The following SHQ1 variants were observed in gnomAD, a reference collection of about 807,000 sequenced individuals.
SHQ1 encodes SHQ1, H/ACA ribonucleoprotein assembly factor.
Under a neutral mutation model 53.8 loss-of-function variants are expected in SHQ1, and 49 were observed. The ratio of observed to expected loss-of-function variants is 0.91; its 90% CI spans 0.72 to 1.16. The LOEUF is 1.16. Among genes scored for constraint, SHQ1 ranks in the 50% most tolerant of loss-of-function variants. The pLI is 0.00. For missense variants in SHQ1, 738 were observed against 683.1 expected (o/e 1.08, Z -0.90); for synonymous variants, 243 against 251.0 (o/e 0.97, Z 0.30).
intron 1 of SHQ1, among the ~76,000 whole-genome samples, chr3:72,845,402 G>A (rs1046886659): frequency 5.9e-5 from 9 of 151,686 alleles, no homozygotes; most frequent in African/African-American, 2.2e-4. Context: ...AGAATCACTT[G>A]AACCCAGGAA....
intron 1 of SHQ1, among the ~76,000 whole-genome samples, chr3:72,847,609 G>C (rs1270027004): frequency 6.6e-6 from 1 of 152,058 alleles, no homozygotes; most frequent in Non-Finnish European, 1.5e-5. Context: ...ACGGAGACTT[G>C]GGGGAAACAA....
chr3:72,784,082 T>TACA (rs1706150746), intron 10 of SHQ1, among the ~76,000 whole-genome samples: 1 of 151,744 alleles, frequency 6.6e-6, no homozygotes, highest in Admixed American at 6.6e-5. Flanking sequence ...AACTCTGTAC[T>TACA]ATCTCTGCAA....
At chr3:72,830,598 A>C (rs1707796100) in intron 5 of SHQ1, among the ~76,000 whole-genome samples, 1 of 152,122 alleles carries the variant, frequency 6.6e-6, no homozygotes, top group Non-Finnish European at 1.5e-5. Flanking sequence ...TGGGTGAGTC[A>C]GTCAGCTAAT....
intron 10 of SHQ1, among the ~76,000 whole-genome samples, chr3:72,752,231 A>G (rs1705400160): frequency 1.3e-5 from 2 of 152,222 alleles, no homozygotes; most frequent in South Asian, 4.1e-4. Flanking sequence ...ACATATATAT[A>G]AAAAGGGAAA....
chr3:72,759,968 G>A (rs1382737289), intron 10 of SHQ1, among the ~76,000 whole-genome samples: 10 of 152,094 alleles, frequency 6.6e-5, no homozygotes, highest in Non-Finnish European at 1.5e-4. Flanking sequence ...AAAATCAAGG[G>A]TATCATCAGT....
At chr3:72,738,886 G>GCCCCA in the SHQ1 span, among the ~76,000 whole-genome samples, 2 of 152,028 alleles carry the variant, frequency 1.3e-5, no homozygotes, top group African/African-American at 4.8e-5. Context: ...ACGCGCAGTG[G>GCCCCA]CCCCACCCCG....
intron 5 of SHQ1, among the ~76,000 whole-genome samples, chr3:72,831,951 G>A (rs2106923534): frequency 1.3e-5 from 2 of 152,274 alleles, no homozygotes; most frequent in East Asian, 3.9e-4. Flanking sequence ...AAGTTATTAG[G>A]AAGATCCTGG....
intron 9 of SHQ1, among the ~76,000 whole-genome samples, chr3:72,811,629 G>T (rs1339945678): frequency 6.6e-6 from 1 of 152,134 alleles, no homozygotes; most frequent in East Asian, 1.9e-4. Flanking sequence ...TACAATTACT[G>T]TCTACTTTAA....
intron 10 of SHQ1, among the ~76,000 whole-genome samples, chr3:72,789,139 A>G (rs965288888): frequency 3.3e-5 from 5 of 152,282 alleles, no homozygotes; most frequent in South Asian, 4.1e-4. Flanking sequence ...TGCATTGGGA[A>G]ACAAATACAG....
chr3:72,786,430 C>A (rs1194906764), intron 10 of SHQ1, among the ~76,000 whole-genome samples: 1 of 152,172 alleles, frequency 6.6e-6, no homozygotes, highest in Non-Finnish European at 1.5e-5. Context: ...TCTAGCCTCA[C>A]TTCTTTCCTA....
At chr3:72,818,817 A>G (rs1289302821) in intron 6 of SHQ1, among the ~76,000 whole-genome samples, 4 of 152,192 alleles carry the variant, frequency 2.6e-5, no homozygotes, top group Admixed American at 6.5e-5. Context: ...TGAGAAGGCT[A>G]TGTGGCAGGG....
intron 10 of SHQ1, among the ~76,000 whole-genome samples, chr3:72,784,303 T>C (rs1056480148): frequency 6.6e-6 from 1 of 152,186 alleles, no homozygotes; most frequent in African/African-American, 2.4e-5. Flanking sequence ...CTTAGATCTG[T>C]AGGAACATTT....
At chr3:72,792,892 G>C in intron 10 of SHQ1, 24 bp downstream of exon 10, 2 of 1,562,860 alleles carry the variant, frequency 1.3e-6, no homozygotes, top group East Asian at 2.4e-5. Context: ...CTAAAAATTC[G>C]TAAGTAACTC....
chr3:72,797,114 C>T (rs1037381609), intron 9 of SHQ1, among the ~76,000 whole-genome samples: 1 of 151,702 alleles, frequency 6.6e-6, no homozygotes, highest in Admixed American at 6.6e-5. Flanking sequence ...AAAAATTAGC[C>T]GGGCATGATA....
In SHQ1 at chr3:72,846,177, G is replaced by T. The variant is rs1416900110; in HGVS notation, c.144-1754C>A. The T allele has an allele frequency of 2.6e-6, 4 of 1,526,052 alleles. No individual in the cohort carries two copies. The Admixed American group carries it at 7.9e-5, about 30-fold the overall frequency. The allele number at this position is 1,526,052 out of a possible 1,614,324, so 94.5% of individuals were successfully genotyped here. On this transcript the variant is annotated intron_variant, in intron 1 of 10. Coordinates refer to ENST00000325599, the MANE Select transcript of SHQ1 (RefSeq NM_018130.3). ...TTCCCCTAAACTCTATAAGCCTAGA[G>T]TTAAATTCTTACTGCAGAGAAAATT... is the stretch of plus-strand genomic sequence containing the variant.
chr3:72,826,092 T>C (rs191830946), intron 5 of SHQ1, among the ~76,000 whole-genome samples: 5 of 152,342 alleles, frequency 3.3e-5, no homozygotes, highest in Admixed American at 1.3e-4. Flanking sequence ...GTAGACATAC[T>C]GAACTCTTAC....
chr3:72,789,426 T>C (rs1706366754), intron 10 of SHQ1, among the ~76,000 whole-genome samples: 1 of 152,106 alleles, frequency 6.6e-6, no homozygotes, highest in Admixed American at 6.5e-5. Context: ...TCTTCCAGTA[T>C]GGCCCATGGA....
In SHQ1 at chr3:72,751,499, T is replaced by C. The variant is rs1334910598; in HGVS notation, c.1182-663A>G. On this transcript the variant is annotated intron_variant, in intron 10 of 10. Coordinates refer to ENST00000325599, the MANE Select transcript of SHQ1 (RefSeq NM_018130.3). ...ATATGTGTGTGTGTGTGTGTGTGTG[T>C]GTGTGTGTGTATATATATATATATA... Among the ~76,000 whole-genome samples, 705 of 91,954 alleles carry C rather than the reference T, an allele frequency of 7.7e-3. 33 individuals carry two copies. Among genetic ancestry groups the C allele is most frequent in the Non-Finnish European group, 9.4e-3 (408 of 43,548 alleles). The allele number at this position is 91,954 out of a possible 152,430, so 60.3% of individuals were successfully genotyped here.
At chr3:72,727,687 A>G in the SHQ1 span, among the ~76,000 whole-genome samples, 2 of 152,180 alleles carry the variant, frequency 1.3e-5, no homozygotes, top group Non-Finnish European at 2.9e-5. Flanking sequence ...GCCTAAATTC[A>G]TACCTCAGCT....
Sources: allele counts gnomAD v4.1 joint callset (sites outside exome capture counted in the v4.1 genomes callset), GRCh38; gene constraint gnomAD v4.1.1; transcripts MANE v1.5; gene names NCBI Gene and HGNC (gene_info 2026-07-23, HGNC 2026-07-21).